ZNF804B: variants seen among roughly 807,000 people sequenced by gnomAD.
ZNF804B encodes zinc finger protein 804B.
In ZNF804B, 80 loss-of-function variants were observed where a neutral mutation model predicts 101.4. The ratio of observed to expected loss-of-function variants is 0.79; its 90% CI spans 0.66 to 0.95. The LOEUF (loss-of-function observed/expected upper bound fraction) is 0.95. Ranked by LOEUF, ZNF804B falls within the 40% of genes least tolerant of loss-of-function variation. The pLI is 0.00. For synonymous variants in ZNF804B, 622 were observed against 558.8 expected (o/e 1.11, Z -1.59); for missense variants, 1,673 against 1,561.9 (o/e 1.07, Z -1.20).
At chr7:89,331,945 TC>T (rs554860727) in intron 3 of ZNF804B, among the ~76,000 whole-genome samples, 15 of 151,506 alleles carry the variant, frequency 9.9e-5, no homozygotes, top group African/African-American at 2.7e-4. Flanking sequence ...GAACAAAAAT[TC>T]ACCCAAATTA....
rs137874574 is a variant in ZNF804B at position 89,023,133 on chromosome 7, A to G, written c.109-195022A>G. Among the ~76,000 whole-genome samples, 1,194 of 152,314 alleles carry G rather than the reference A, an allele frequency of 7.8e-3. 9 individuals are homozygous for G. The highest frequency in any genetic ancestry group is 0.024 in the Middle Eastern group (7 of 294). On this transcript the variant is annotated intron_variant, in intron 1 of 3. Coordinates refer to ENST00000333190, the MANE Select transcript of ZNF804B (RefSeq NM_181646.5). ...ATATTAGTAATATTCCACCAGTTCT[A>G]CCATCCCATTTCTAATATTTGAATA...
chr7:88,957,028 A>G (rs1178174208), intron 1 of ZNF804B, among the ~76,000 whole-genome samples: 1 of 151,440 alleles, frequency 6.6e-6, no homozygotes, highest in Admixed American at 6.6e-5. Flanking sequence ...AAATTTTTTG[A>G]TACACTTTGA....
At chr7:89,227,477 T>C (rs772445525) in intron 2 of ZNF804B, among the ~76,000 whole-genome samples, 3 of 152,118 alleles carry the variant, frequency 2.0e-5, no homozygotes, top group Non-Finnish European at 4.4e-5. Flanking sequence ...GGAGCTAACA[T>C]TATAGAGAGT....
chr7:88,987,586 A>G (rs904258716), intron 1 of ZNF804B, among the ~76,000 whole-genome samples: 1 of 152,082 alleles, frequency 6.6e-6, no homozygotes, highest in African/African-American at 2.4e-5. Context: ...TTTTTAAACA[A>G]CACTAGTTAA....
At chr7:88,777,393 A>G (rs1427600449) in intron 1 of ZNF804B, among the ~76,000 whole-genome samples, 1 of 152,228 alleles carries the variant, frequency 6.6e-6, no homozygotes, top group Non-Finnish European at 1.5e-5. Flanking sequence ...ACCCAACCAG[A>G]GACCAGCTAG....
At chr7:88,871,538 TTACAC>T (rs1791822889) in intron 1 of ZNF804B, among the ~76,000 whole-genome samples, 1 of 152,082 alleles carries the variant, frequency 6.6e-6, no homozygotes, top group Non-Finnish European at 1.5e-5. Context: ...AAGAGAATAA[TTACAC>T]TATACTTTAG....
chr7:89,145,842 T>C (rs568403161), intron 1 of ZNF804B, among the ~76,000 whole-genome samples: 2 of 152,130 alleles, frequency 1.3e-5, no homozygotes, highest in East Asian at 3.9e-4. Flanking sequence ...TTTGGTTAGT[T>C]ATATAAAGCT....
intron 1 of ZNF804B, among the ~76,000 whole-genome samples, chr7:88,961,310 C>A (rs945929854): frequency 7.9e-5 from 12 of 151,222 alleles, no homozygotes; most frequent in Non-Finnish European, 1.6e-4. Flanking sequence ...CATACGTTTT[C>A]TTTGTTTGGG....
chr7:89,041,672 G>T (rs2116249470), intron 1 of ZNF804B, among the ~76,000 whole-genome samples: 1 of 152,294 alleles, frequency 6.6e-6, no homozygotes, highest in Non-Finnish European at 1.5e-5. Flanking sequence ...GTAACATCAG[G>T]TATTCACTTC....
chr7:89,148,648 T>A (rs1255602176), intron 1 of ZNF804B, among the ~76,000 whole-genome samples: 1 of 152,002 alleles, frequency 6.6e-6, no homozygotes, highest in Non-Finnish European at 1.5e-5. Flanking sequence ...GATATAAAAA[T>A]CCCAGATTTA....
chr7:88,765,976 C>G (rs971193201), intron 1 of ZNF804B, among the ~76,000 whole-genome samples: 4 of 152,060 alleles, frequency 2.6e-5, no homozygotes, highest in African/African-American at 4.8e-5. Context: ...CTAAGACACT[C>G]TAAACTTAAT....
intron 1 of ZNF804B, among the ~76,000 whole-genome samples, chr7:88,799,003 T>C (rs1482930719): frequency 2.6e-5 from 4 of 152,254 alleles, no homozygotes; most frequent in Non-Finnish European, 2.9e-5. Context: ...AGAACCTTAA[T>C]AGAAGCTTAG....
chr7:89,012,030 C>G (rs1015095885), intron 1 of ZNF804B, among the ~76,000 whole-genome samples: 2 of 152,184 alleles, frequency 1.3e-5, no homozygotes, highest in Non-Finnish European at 2.9e-5. Flanking sequence ...CGTACATCCT[C>G]TGAAAGCTAG....
intron 1 of ZNF804B, among the ~76,000 whole-genome samples, chr7:88,854,414 C>CTTCCTTCCTTCCTTTCTTTCTTT: frequency 1.8e-5 from 1 of 57,114 alleles, no homozygotes; most frequent in African/African-American, 6.3e-5. Context: ...TTTCTTTCTT[C>CTTCCTTCCTTCCTTTCTTTCTTT]CTTTCTTTCT....
At chr7:89,243,444 T>C (rs1008523231) in intron 2 of ZNF804B, among the ~76,000 whole-genome samples, 2 of 151,828 alleles carry the variant, frequency 1.3e-5, no homozygotes, top group African/African-American at 2.4e-5. Flanking sequence ...CTCAGCTGTA[T>C]TTGAGTTGAG....
At chr7:89,033,145 G>C (rs1035166273) in intron 1 of ZNF804B, among the ~76,000 whole-genome samples, 1 of 151,608 alleles carries the variant, frequency 6.6e-6, no homozygotes, top group African/African-American at 2.4e-5. Flanking sequence ...CCCAGCCTCT[G>C]GTAACCACCA....
intron 2 of ZNF804B, among the ~76,000 whole-genome samples, chr7:89,281,542 T>G (rs1009948097): frequency 6.6e-6 from 1 of 152,194 alleles, no homozygotes; most frequent in Non-Finnish European, 1.5e-5. Context: ...ACAACTATCG[T>G]TTCTGCTCTA....
At chr7:89,064,842 G>A (rs764989738) in intron 1 of ZNF804B, among the ~76,000 whole-genome samples, 21 of 152,224 alleles carry the variant, frequency 1.4e-4, no homozygotes, top group Admixed American at 2.6e-4. Context: ...TCGATTGTCT[G>A]GTGGACACCC....
intron 1 of ZNF804B, among the ~76,000 whole-genome samples, chr7:88,885,636 C>A (rs987945034): frequency 1.6e-4 from 24 of 149,792 alleles, no homozygotes; most frequent in African/African-American, 7.4e-5. Flanking sequence ...GATAAAAAGT[C>A]TATTAGGAAT....
Sources: gnomAD v4.1 joint callset for allele counts (sites outside exome capture counted in the v4.1 genomes callset) on GRCh38, gnomAD v4.1.1 for gene constraint, MANE v1.5 for transcripts, NCBI Gene and HGNC (gene_info 2026-07-23, HGNC 2026-07-21) for gene names.